Variants in DNAJC1 observed in about 807,000 individuals in gnomAD.
DNAJC1 encodes DnaJ heat shock protein family (Hsp40) member C1, also known as dnaJ homolog subfamily C member 1.
Under a neutral mutation model 76.6 loss-of-function variants are expected in DNAJC1, and 58 were observed. The observed-to-expected ratio is 0.76, with a 90% CI of 0.61 to 0.94. The LOEUF (loss-of-function observed/expected upper bound fraction) is 0.94. Among genes scored for constraint, DNAJC1 ranks in the 40% least tolerant of loss-of-function variants. The probability of loss-of-function intolerance (pLI) is 0.00; values close to 1 mark genes in which losing one functional copy is unlikely to be tolerated. For missense variants in DNAJC1, 689 were observed against 677.3 expected, an observed-to-expected ratio of 1.02 and a Z score of -0.19; for synonymous variants, 258 against 267.9, an observed-to-expected ratio of 0.96 and a Z score of 0.36.
chr10:21,872,360 G>A (rs570947029), intron 8 of DNAJC1, among the ~76,000 whole-genome samples: 2 of 152,224 alleles, frequency 1.3e-5, no homozygotes, highest in South Asian at 2.1e-4. Flanking sequence ...GTGAGCCACC[G>A]TGCCAGGCCA....
At chr10:21,906,567 T>A (rs1439811375) in intron 6 of DNAJC1, among the ~76,000 whole-genome samples, 3 of 152,054 alleles carry the variant, frequency 2.0e-5, no homozygotes, top group Non-Finnish European at 2.9e-5. Context: ...GGGCACAGAT[T>A]AGTTATTTAT....
At chr10:21,847,813 C>CAT (rs1273679139) in intron 8 of DNAJC1, among the ~76,000 whole-genome samples, 3 of 151,800 alleles carry the variant, frequency 2.0e-5, no homozygotes, top group African/African-American at 4.8e-5. Flanking sequence ...AGTGTGTGTC[C>CAT]ATATATATAT....
In DNAJC1 at chr10:21,766,271, G is replaced by A. The variant is rs773835390; in HGVS notation, c.1137C>T (p.Thr379=). The A allele has an allele frequency of 1.2e-6, 2 of 1,612,776 alleles. No homozygotes were observed. Among genetic ancestry groups the A allele is most frequent in the East Asian group, 2.2e-5 (1 of 44,868 alleles). Residue 379 remains threonine (T), a synonymous_variant, in exon 10 of 12, where the codon ACC becomes ACT. Transcript: ENST00000376980. ...TKAKQLKDSV[T]CSPGMVRLSE... ...GAAGTATGAACTCACCTGGGGAGCA[G>A]GTCACTGAATCCTTCAGTTGCTTGG...
intron 1 of DNAJC1, among the ~76,000 whole-genome samples, chr10:21,962,654 T>TC (rs974346391): frequency 6.7e-6 from 1 of 149,132 alleles, no homozygotes; most frequent in African/African-American, 2.5e-5. Context: ...TTTTTCTTTT[T>TC]TTTTTTTTTT....
intron 8 of DNAJC1, among the ~76,000 whole-genome samples, chr10:21,879,790 T>G (rs1836243778): frequency 6.6e-6 from 1 of 152,222 alleles, no homozygotes; most frequent in Non-Finnish European, 1.5e-5. Context: ...CAAGTCATAA[T>G]CTTTCTATTG....
intron 10 of DNAJC1, 27 bp from the exon 11 acceptor site, chr10:21,759,645 G>A: frequency 1.9e-6 from 3 of 1,599,866 alleles, no homozygotes; most frequent in Admixed American, 1.7e-5. Flanking sequence ...GCCACACAGA[G>A]GTGAAGGGCA....
chr10:21,891,842 A>G (rs1244240903), intron 7 of DNAJC1, among the ~76,000 whole-genome samples: 1 of 152,202 alleles, frequency 6.6e-6, no homozygotes. Context: ...AAAATAAATC[A>G]TAAAAGAAAA....
intron 7 of DNAJC1, among the ~76,000 whole-genome samples, chr10:21,885,541 T>C (rs1734893921): frequency 6.6e-6 from 1 of 152,224 alleles, no homozygotes; most frequent in South Asian, 2.1e-4. Flanking sequence ...ATATACATTC[T>C]TCTCCTTGCC....
chr10:21,889,694 A>G (rs1836428824), intron 7 of DNAJC1, among the ~76,000 whole-genome samples: 1 of 152,182 alleles, frequency 6.6e-6, no homozygotes, highest in Admixed American at 6.5e-5. Context: ...TGCAGAAACT[A>G]GCAACCCAGA....
chr10:21,993,706 A>G (rs1198332454), intron 1 of DNAJC1, among the ~76,000 whole-genome samples: 1 of 152,100 alleles, frequency 6.6e-6, no homozygotes, highest in Non-Finnish European at 1.5e-5. Context: ...TACTACCTCT[A>G]TCTCTAACAT....
chr10:21,901,208 C>T (rs1836647137), intron 7 of DNAJC1, among the ~76,000 whole-genome samples: 1 of 152,122 alleles, frequency 6.6e-6, no homozygotes, highest in African/African-American at 2.4e-5. Flanking sequence ...TTATTTAATT[C>T]TGGTTTTGTT....
intron 9 of DNAJC1, among the ~76,000 whole-genome samples, chr10:21,788,673 C>T (rs1309459314): frequency 1.3e-5 from 2 of 152,174 alleles, no homozygotes; most frequent in Admixed American, 1.3e-4. Context: ...CTGCTGAGCC[C>T]TACCATCCCA....
chr10:21,856,882 C>T (rs1386672159), intron 8 of DNAJC1, among the ~76,000 whole-genome samples: 3 of 151,908 alleles, frequency 2.0e-5, no homozygotes, highest in South Asian at 2.1e-4. Context: ...ACCACAGGTG[C>T]GCACCACCAC....
Position 21,904,616 on chromosome 10 carries a change from A to T in DNAJC1, c.730-4T>A, listed in dbSNP as rs1424076682. 1 of 1,564,770 alleles carries T rather than the reference A, an allele frequency of 6.4e-7. No individual in the cohort carries two copies. The highest frequency in any genetic ancestry group is 1.8e-5 in the Admixed American group (1 of 55,698). On this transcript the variant is annotated splice_polypyrimidine_tract_variant and splice_region_variant and intron_variant, in intron 6 of 11. Transcript: ENST00000376980. Reference sequence around the variant, plus strand: ...TAGCATAAAACTGCCCAGCATCCTTAAGAAAAAAAGTTATACATAAATTAA... The same window carrying T: ...TAGCATAAAACTGCCCAGCATCCTTTAGAAAAAAAGTTATACATAAATTAA...
intron 7 of DNAJC1, among the ~76,000 whole-genome samples, chr10:21,887,935 G>C (rs1269837316): frequency 6.6e-6 from 1 of 152,090 alleles, no homozygotes; most frequent in African/African-American, 2.4e-5. Context: ...ACTATCGACA[G>C]AGTAAAAAGA....
chr10:21,984,570 AAAT>A (rs1445244949), intron 1 of DNAJC1, among the ~76,000 whole-genome samples: 1 of 152,198 alleles, frequency 6.6e-6, no homozygotes, highest in African/African-American at 2.4e-5. Flanking sequence ...GAAGGCAGAA[AAAT>A]GTACTTTTTA....
At position 22,003,480 on chromosome 10, in the gene DNAJC1, G is replaced by A; in HGVS notation, c.-46C>T. On this transcript the variant is annotated 5_prime_UTR_variant, in exon 1 of 12. Coordinates refer to ENST00000376980, the MANE Select transcript of DNAJC1 (RefSeq NM_022365.4). ...CACCCGCCGCGCAGCTCCGTTGGCC[G>A]AGAGCTGGGACGTGGCGGGCGGCGC... is the stretch of plus-strand genomic sequence containing the variant. 2 of 1,313,480 alleles carry A rather than the reference G, an allele frequency of 1.5e-6. No individual in the cohort carries two copies. Among genetic ancestry groups the A allele is most frequent in the Non-Finnish European group, 1.9e-6 (2 of 1,037,124 alleles). 81.4% of individuals were successfully genotyped at this position (1,313,480 alleles called of 1,614,324 possible).
At position 21,793,230 on chromosome 10, in the gene DNAJC1, C is replaced by T. The variant is rs529337063; in HGVS notation, c.1098+12750G>A. On this transcript the variant is annotated intron_variant, in intron 9 of 11. Transcript: ENST00000376980. ...CTGAGGCAGGAGAATCACTTGAACC[C>T]GGGAAGTGGAGGTTGCAGTGAGCTG... Among the ~76,000 whole-genome samples the T allele has an allele frequency of 3.0e-4, 45 of 152,162 alleles. No individual in the cohort carries two copies. In the South Asian group the frequency reaches 7.1e-3, roughly 24 times the overall value.
At chr10:21,933,989 G>A (rs948583376) in intron 1 of DNAJC1, among the ~76,000 whole-genome samples, 4 of 151,762 alleles carry the variant, frequency 2.6e-5, no homozygotes, top group African/African-American at 9.7e-5. Context: ...TATTTCAGAG[G>A]GAAATTTAAA....
Sources: allele counts gnomAD v4.1 joint callset (sites outside exome capture counted in the v4.1 genomes callset), GRCh38; gene constraint gnomAD v4.1.1; transcripts MANE v1.5; gene names NCBI Gene and HGNC (gene_info 2026-07-23, HGNC 2026-07-21).